Variants in GPC5 observed in about 807,000 individuals in gnomAD.
GPC5 encodes glypican 5, also known as glypican-5.
Under a neutral mutation model 53.9 loss-of-function variants are expected in GPC5, and 47 were observed. That is an observed-to-expected ratio of 0.87 (90% confidence interval 0.69 to 1.11). GPC5 has a LOEUF of 1.11. GPC5 is among the 50% of genes most tolerant of loss of function. GPC5 has a pLI of 0.00. For synonymous variants in GPC5, 286 were observed against 263.3 expected (o/e 1.09, Z -0.84); for missense variants, 748 against 713.1 (o/e 1.05, Z -0.56).
intron 2 of GPC5, among the ~76,000 whole-genome samples, chr13:91,657,908 C>T (rs1355341392): frequency 1.3e-5 from 2 of 152,108 alleles, no homozygotes; most frequent in Non-Finnish European, 2.9e-5. Flanking sequence ...ATTATTTGAA[C>T]AGTGCTGTTT....
chr13:92,233,315 C>A (rs1343273561), intron 7 of GPC5, among the ~76,000 whole-genome samples: 1 of 152,206 alleles, frequency 6.6e-6, no homozygotes, highest in Non-Finnish European at 1.5e-5. Context: ...CATTTTCCTG[C>A]AGTTTTCAGC....
At chr13:91,441,659 A>G (rs1313233101) in intron 1 of GPC5, among the ~76,000 whole-genome samples, 1 of 152,226 alleles carries the variant, frequency 6.6e-6, no homozygotes, top group Non-Finnish European at 1.5e-5. Flanking sequence ...AGATTGTTCT[A>G]TATTAATGGT....
rs58962175 is a variant in GPC5, at chr13:92,527,105, GAA to G, written c.1562-339172_1562-339171del. On this transcript the variant is annotated intron_variant, in intron 7 of 7. Transcript: ENST00000377067. ...ATATGAGATTCTGTAGGAAAAGAAA[GAA>G]AAAAGAAAGAAAGAAAGAAAGAAAG... Among the ~76,000 whole-genome samples, 9 of 47,660 alleles carry G rather than the reference GAA, an allele frequency of 1.9e-4. 1 individual carries two copies. The highest frequency in any genetic ancestry group is 3.9e-4 in the Non-Finnish European group (9 of 23,006). The allele number at this position is 47,660 out of a possible 152,430, so 31.3% of individuals were successfully genotyped here. A position where few individuals can be genotyped will look rare whatever the true frequency, so the allele number is the denominator to read the frequency against.
rs894894710 is a variant in GPC5 at position 92,216,543 on chromosome 13, A to T, written c.1561+71554A>T. On this transcript the variant is annotated intron_variant, in intron 7 of 7. Coordinates refer to ENST00000377067, the MANE Select transcript of GPC5 (RefSeq NM_004466.6). ...CCTTGATACTATCTGAGAGGAAATTAGGCCACTTTCGTAAGGACACTAAAA... is the reference window on the plus strand; with the variant it reads ...CCTTGATACTATCTGAGAGGAAATTTGGCCACTTTCGTAAGGACACTAAAA... Among the ~76,000 whole-genome samples the T allele has an allele frequency of 1.2e-4, 18 of 152,338 alleles. 1 individual carries two copies. The highest frequency in any genetic ancestry group is 3.8e-4 in the African/African-American group (16 of 41,566).
chr13:92,358,209 C>T (rs780677491), intron 7 of GPC5, among the ~76,000 whole-genome samples: 9 of 151,780 alleles, frequency 5.9e-5, no homozygotes, highest in Admixed American at 5.2e-4. Flanking sequence ...GCATGGCAGT[C>T]AACTAAATCT....
At chr13:92,011,820 T>C (rs1246124241) in intron 6 of GPC5, among the ~76,000 whole-genome samples, 4 of 152,236 alleles carry the variant, frequency 2.6e-5, no homozygotes, top group African/African-American at 9.6e-5. Flanking sequence ...TACTCGATTT[T>C]ACAAATTGAG....
chr13:91,586,969 A>G (rs977688271), intron 2 of GPC5, among the ~76,000 whole-genome samples: 1 of 152,136 alleles, frequency 6.6e-6, no homozygotes, highest in Non-Finnish European at 1.5e-5. Flanking sequence ...AGGAAGAAAC[A>G]TTTCTTGTAT....
intron 5 of GPC5, among the ~76,000 whole-genome samples, chr13:91,862,799 A>T (rs2039044508): frequency 6.6e-6 from 1 of 152,160 alleles, no homozygotes; most frequent in Non-Finnish European, 1.5e-5. Context: ...ATAATGTTTC[A>T]TAGCAAAAGG....
chr13:92,576,768 C>G (rs1883201691), intron 7 of GPC5, among the ~76,000 whole-genome samples: 1 of 152,158 alleles, frequency 6.6e-6, no homozygotes, highest in Non-Finnish European at 1.5e-5. Context: ...CAGACAGTTC[C>G]AGCCCACATT....
At chr13:91,533,390 G>A (rs1886441205) in intron 2 of GPC5, among the ~76,000 whole-genome samples, 1 of 152,054 alleles carries the variant, frequency 6.6e-6, no homozygotes, top group African/African-American at 2.4e-5. Flanking sequence ...TTTTCTCTAT[G>A]AATCACCTTG....
chr13:91,925,894 G>A (rs1020351975), intron 6 of GPC5, among the ~76,000 whole-genome samples: 1 of 152,160 alleles, frequency 6.6e-6, no homozygotes, highest in Non-Finnish European at 1.5e-5. Context: ...AACTGGTTGA[G>A]ATTACTTAGT....
At chr13:92,479,122 T>C (rs1315572994) in intron 7 of GPC5, among the ~76,000 whole-genome samples, 2 of 152,098 alleles carry the variant, frequency 1.3e-5, no homozygotes, top group Admixed American at 6.6e-5. Context: ...TCAGAATGAG[T>C]CATATAGAAT....
chr13:92,669,443 G>A lies in GPC5; in HGVS notation c.1562-196839G>A, dbSNP rs1169875520. Among the ~76,000 whole-genome samples the A allele has an allele frequency of 2.6e-5, 4 of 152,100 alleles. No homozygotes were observed. In the East Asian group the frequency reaches 5.8e-4, roughly 22 times the overall value. ...TACTTTCACAAATATGTGACAAGGA[G>A]AACAGTGATGCTACATTTATATTAT... On this transcript the variant is annotated intron_variant, in intron 7 of 7. Transcript: ENST00000377067.
At chr13:92,779,764 T>C (rs1047738748) in intron 7 of GPC5, among the ~76,000 whole-genome samples, 1 of 152,166 alleles carries the variant, frequency 6.6e-6, no homozygotes, top group South Asian at 2.1e-4. Flanking sequence ...AAGGTTAATT[T>C]ATCAGTTTAC....
chr13:91,513,327 G>T (rs1323888413), intron 2 of GPC5, among the ~76,000 whole-genome samples: 1 of 151,456 alleles, frequency 6.6e-6, no homozygotes, highest in Non-Finnish European at 1.5e-5. Flanking sequence ...GTCTTATTTA[G>T]ATTTCACTAA....
At position 92,084,583 on chromosome 13, in the gene GPC5, C is replaced by G. The variant is rs9560916; in HGVS notation, c.1402-60247C>G. 6.4e-4 allele frequency among the ~76,000 whole-genome samples: 97 copies of G among 152,264 alleles called. No homozygotes were observed. The East Asian group carries it at 0.017, about 27-fold the overall frequency. On this transcript the variant is annotated intron_variant, in intron 6 of 7. Transcript: ENST00000377067. ...CGACTGAGCAGGGTTTGAATCCTAG[C>G]TTTGCCAGTTAGCATGTTGAGATGT...
chr13:92,141,999 C>T (rs1306993235), intron 6 of GPC5, among the ~76,000 whole-genome samples: 1 of 152,100 alleles, frequency 6.6e-6, no homozygotes, highest in Non-Finnish European at 1.5e-5. Context: ...GCTCCTCACC[C>T]TCACATCTCA....
At chr13:92,677,556 G>T (rs942755804) in intron 7 of GPC5, among the ~76,000 whole-genome samples, 1 of 152,214 alleles carries the variant, frequency 6.6e-6, no homozygotes, top group Admixed American at 6.5e-5. Flanking sequence ...AATTTAAAGA[G>T]CTTCATTGGC....
intron 7 of GPC5, among the ~76,000 whole-genome samples, chr13:92,430,198 C>A (rs1180085117): frequency 3.3e-5 from 5 of 151,914 alleles, no homozygotes; most frequent in African/African-American, 4.8e-5. Flanking sequence ...ATTTACCTAT[C>A]CTGTTTAGAA....
Sources: gnomAD v4.1 joint callset for allele counts (sites outside exome capture counted in the v4.1 genomes callset) on GRCh38, gnomAD v4.1.1 for gene constraint, MANE v1.5 for transcripts, NCBI Gene and HGNC (gene_info 2026-07-23, HGNC 2026-07-21) for gene names.